ITSN1: variants seen among roughly 807,000 people sequenced by gnomAD.
ITSN1 encodes the protein intersectin-1.
A neutral mutation model predicts 239.8 loss-of-function variants in ITSN1; 58 were observed. That is an observed-to-expected ratio of 0.24 (90% CI 0.20 to 0.30). The LOEUF is 0.30. ITSN1 is among the 10% of genes least tolerant of loss of function. The pLI is 1.00. For synonymous variants in ITSN1, 780 were observed against 770.8 expected, an observed-to-expected ratio of 1.01 and a Z score of -0.20; for missense variants, 1,558 against 2,103.3, an observed-to-expected ratio of 0.74 and a Z score of 5.07.
chr21:33,829,782 C>G (rs1195922908), intron 27 of ITSN1, 37 bp downstream of exon 27: 3 of 1,610,516 alleles, frequency 1.9e-6, no homozygotes, highest in Non-Finnish European at 2.5e-6. Flanking sequence ...ATTCTCCATC[C>G]AAGTTTCAAT....
rs116128734 is a variant in ITSN1 at position 33,664,601 on chromosome 21, G to A, written c.-33+21888G>A. Among the ~76,000 whole-genome samples the A allele has an allele frequency of 2.5e-3, 377 of 152,274 alleles. 2 individuals are homozygous for A. Among genetic ancestry groups the A allele is most frequent in the African/African-American group, 8.5e-3 (354 of 41,534 alleles). ...GCAGTTACTAGCTGTGTAACCATAAGCAAGCTATTTAACTTTTCTGTGCCT... is the reference window on the plus strand; with the variant it reads ...GCAGTTACTAGCTGTGTAACCATAAACAAGCTATTTAACTTTTCTGTGCCT... On this transcript the variant is annotated intron_variant, in intron 1 of 39. Transcript: ENST00000381318.
In ITSN1 at chr21:33,753,761, T is replaced by TAAAAAAA. The variant is rs760085854; in HGVS notation, c.624-1514_624-1508dup. On this transcript the variant is annotated intron_variant, in intron 7 of 39. Coordinates refer to ENST00000381318, the MANE Select transcript of ITSN1 (RefSeq NM_003024.3). ...TGGGTGACACGGCAAGTCTCTTTCTTAAAAAAAAAAAAAAAAAAAAAAAAA... is the reference window on the plus strand; with the variant it reads ...TGGGTGACACGGCAAGTCTCTTTCTTAAAAAAAAAAAAAAAAAAAAAAAAAAAAAAAA... Among the ~76,000 whole-genome samples, 238 of 81,756 alleles carry TAAAAAAA rather than the reference T, an allele frequency of 2.9e-3. 4 individuals carry two copies. Among genetic ancestry groups the TAAAAAAA allele is most frequent in the Middle Eastern group, 6.9e-3 (1 of 144 alleles). The allele number at this position is 81,756 out of a possible 152,430, so 53.6% of individuals were successfully genotyped here.
intron 10 of ITSN1, among the ~76,000 whole-genome samples, chr21:33,767,466 C>T (rs2068805385): frequency 6.6e-6 from 1 of 152,178 alleles, no homozygotes; most frequent in Admixed American, 6.5e-5. Context: ...TAACTACTTT[C>T]ATCCTTTGGA....
intron 9 of ITSN1, among the ~76,000 whole-genome samples, chr21:33,762,230 C>T (rs1241872549): frequency 6.6e-6 from 1 of 151,574 alleles, no homozygotes; most frequent in South Asian, 2.1e-4. Context: ...ATTCTCAACT[C>T]GTGACCAGTC....
At chr21:33,827,641 A>G (rs755416732) in intron 26 of ITSN1, among the ~76,000 whole-genome samples, 2 of 152,166 alleles carry the variant, frequency 1.3e-5, no homozygotes, top group Non-Finnish European at 1.5e-5. Context: ...CTCGGTACAC[A>G]TTGAAGGTAC....
Position 33,831,790 on chromosome 21 carries a change from C to T in ITSN1, c.3351+2045C>T, listed in dbSNP as rs527553743. 3.3e-5 allele frequency among the ~76,000 whole-genome samples: 5 copies of T among 152,324 alleles called. 1 individual carries two copies. The East Asian group carries it at 9.6e-4, about 29-fold the overall frequency. On this transcript the variant is annotated intron_variant, in intron 27 of 39. Transcript: ENST00000381318. Reference sequence around the variant, plus strand: ...AGTGTAACTAAAGATGAAACTTTCCCTGGAGAGTTTGCTGATGGACACCCA... The same window carrying T: ...AGTGTAACTAAAGATGAAACTTTCCTTGGAGAGTTTGCTGATGGACACCCA...
chr21:33,881,274 G>A (rs1272352905), intron 34 of ITSN1, among the ~76,000 whole-genome samples: 4 of 152,032 alleles, frequency 2.6e-5, no homozygotes, highest in African/African-American at 4.8e-5. Flanking sequence ...GGGCGTGGTC[G>A]CGAGCACCTG....
intron 37 of ITSN1, 63 bp downstream of exon 37, chr21:33,885,186 G>C (rs1985584682): frequency 7.2e-7 from 1 of 1,383,876 alleles, no homozygotes; most frequent in African/African-American, 1.4e-5. Flanking sequence ...ATTTGGCTGG[G>C]CTGAAAATCC....
At chr21:33,837,464 G>T in intron 29 of ITSN1, 1 of 986,220 alleles carries the variant, frequency 1.0e-6, no homozygotes, top group Non-Finnish European at 1.2e-6. Flanking sequence ...ATAAATCTGA[G>T]ACTTGATGTA....
chr21:33,650,949 A>G (rs1215607210), intron 1 of ITSN1, among the ~76,000 whole-genome samples: 1 of 152,222 alleles, frequency 6.6e-6, no homozygotes, highest in Non-Finnish European at 1.5e-5. Context: ...TTGTTTTAAT[A>G]TTCTTTAAAT....
intron 7 of ITSN1, 148 bp from the exon 8 acceptor site, chr21:33,755,149 A>G: frequency 2.1e-6 from 1 of 482,554 alleles, no homozygotes; most frequent in South Asian, 4.2e-5. Context: ...ATGGCAAAAA[A>G]AATCAGAAGT....
chr21:33,725,559 CT>C, intron 4 of ITSN1, among the ~76,000 whole-genome samples: 1 of 152,034 alleles, frequency 6.6e-6, no homozygotes, highest in Non-Finnish European at 1.5e-5. Context: ...ATGATTGTGC[CT>C]TCTAGCGTGG....
chr21:33,818,596 T>C (rs1218490301), intron 23 of ITSN1, 124 bp downstream of exon 23: 2 of 818,008 alleles, frequency 2.4e-6, no homozygotes, highest in East Asian at 5.0e-5. Flanking sequence ...ATCTTTTAAC[T>C]GCAAAAGTTA....
intron 29 of ITSN1, among the ~76,000 whole-genome samples, chr21:33,843,564 A>G (rs2074897869): frequency 6.6e-6 from 1 of 152,244 alleles, no homozygotes; most frequent in Admixed American, 6.5e-5. Flanking sequence ...GGTGCTGTAT[A>G]TAACAACACG....
intron 21 of ITSN1, among the ~76,000 whole-genome samples, chr21:33,812,913 G>T (rs2073009311): frequency 6.6e-6 from 1 of 152,176 alleles, no homozygotes; most frequent in South Asian, 2.1e-4. Flanking sequence ...ATACTACCAG[G>T]TACTTGCTGT....
At chr21:33,751,546 A>G (rs1022655066) in intron 6 of ITSN1, among the ~76,000 whole-genome samples, 1 of 152,252 alleles carries the variant, frequency 6.6e-6, no homozygotes, top group Non-Finnish European at 1.5e-5. Context: ...AAAATGTGAT[A>G]CAAAATGTTT....
intron 5 of ITSN1, among the ~76,000 whole-genome samples, chr21:33,745,131 T>A (rs893746544): frequency 6.6e-6 from 1 of 152,238 alleles, no homozygotes; most frequent in Non-Finnish European, 1.5e-5. Flanking sequence ...AAAAGACAGC[T>A]ACATTTTGTG....
rs376488911 is a variant in ITSN1, at chr21:33,696,470, G to A, written c.-32-22327G>A. On this transcript the variant is annotated intron_variant, in intron 1 of 39. Coordinates refer to ENST00000381318, the MANE Select transcript of ITSN1 (RefSeq NM_003024.3). ...GCTGTGAAGATGTCATACATGTGAA[G>A]TATTCACTGGATTCTCAGTTACTTA... Among the ~76,000 whole-genome samples the A allele has an allele frequency of 1.6e-4, 25 of 152,318 alleles. No homozygotes were observed. In the East Asian group the frequency reaches 3.5e-3, roughly 21 times the overall value.
intron 29 of ITSN1, among the ~76,000 whole-genome samples, chr21:33,839,811 C>T (rs117167275): frequency 0.017 from 2,618 of 152,294 alleles, 31 homozygotes; most frequent in Non-Finnish European, 0.027. Context: ...ATTGAGTTTG[C>T]ATTTGGTTGT....
Sources: gnomAD v4.1 joint callset for allele counts (sites outside exome capture counted in the v4.1 genomes callset) on GRCh38, gnomAD v4.1.1 for gene constraint, MANE v1.5 for transcripts, NCBI Gene and HGNC (gene_info 2026-07-23, HGNC 2026-07-21) for gene names.